The following FLNB variants were observed in gnomAD, a reference collection of about 807,000 sequenced individuals.
The protein encoded by FLNB is filamin-B.
FLNB carries 111 observed loss-of-function variants against 250.6 expected under a neutral mutation model. The observed-to-expected ratio is 0.44, with a 90% CI of 0.38 to 0.52. The LOEUF is 0.52. Ranked by LOEUF, FLNB falls within the 20% of genes least tolerant of loss-of-function variation. The pLI, the probability that FLNB is intolerant of heterozygous loss-of-function variation, is 0.00. For synonymous variants in FLNB, 1,302 were observed against 1,372.1 expected (o/e 0.95, Z 1.13); for missense variants, 2,869 against 3,447.8 (o/e 0.83, Z 4.20).
chr3:58,125,086 A>C (rs1286912597), intron 22 of FLNB, among the ~76,000 whole-genome samples: 2 of 152,046 alleles, frequency 1.3e-5, no homozygotes, highest in Non-Finnish European at 2.9e-5. Flanking sequence ...CTGCAGATAG[A>C]CGGTTTGTAT....
rs776170500 is a variant in FLNB, at chr3:58,135,994, C to T, written c.4687C>T (p.Pro1563Ser). Residue 1563 changes from proline to serine, a missense_variant, in exon 28 of 46, where the codon CCC becomes TCC. Pro to Ser is a moderately conservative substitution (Grantham distance 74, BLOSUM62 -1). Coordinates refer to ENST00000295956, the MANE Select transcript of FLNB (RefSeq NM_001457.4). The part of the protein sequence containing the change: ...AVQITDQEGK[P>S]KRAIVHDNKD... ...TGATCCACAGGACCAAGAAGGAAAA[C>T]CCAAAAGAGCCATTGTCCATGACAA... 1.9e-6 allele frequency: 3 copies of T among 1,614,032 alleles called. No homozygotes were observed. The South Asian group carries it at 3.3e-5, about 18-fold the overall frequency.
chr3:58,032,349 T>TC (rs373439548), intron 1 of FLNB, among the ~76,000 whole-genome samples: 3 of 152,080 alleles, frequency 2.0e-5, no homozygotes, highest in African/African-American at 7.2e-5. Flanking sequence ...AGGATTTCTC[T>TC]CCCCCTACCC....
Position 58,171,238 on chromosome 3 carries a change from A to C in FLNB, c.*476A>C, listed in dbSNP as rs1438924739. Reference sequence around the variant, plus strand: ...CTTAATCTCTTCCAGTGTCCGTGTTAATGTATTTGGCTATTAGATCACTAG... The same window carrying C: ...CTTAATCTCTTCCAGTGTCCGTGTTCATGTATTTGGCTATTAGATCACTAG... On this transcript the variant is annotated 3_prime_UTR_variant, in exon 46 of 46. Coordinates refer to ENST00000295956, the MANE Select transcript of FLNB (RefSeq NM_001457.4). The surrounding 1 kb of genome is among the most constrained non-coding windows in gnomAD (Gnocchi z 5.5). The C allele has an allele frequency of 5.1e-6, 1 of 194,766 alleles. No individual in the cohort carries two copies. The highest frequency in any genetic ancestry group is 1.1e-5 in the Non-Finnish European group (1 of 94,544). 12.1% of individuals were successfully genotyped at this position (194,766 alleles called of 1,614,324 possible).
chr3:58,074,911 G>A (rs1576673772), intron 1 of FLNB, among the ~76,000 whole-genome samples: 1 of 152,010 alleles, frequency 6.6e-6, no homozygotes, highest in Non-Finnish European at 1.5e-5. Context: ...TTAGATGATC[G>A]AGTTTTATTA....
At chr3:58,129,375 G>C (rs970583706) in intron 24 of FLNB, among the ~76,000 whole-genome samples, 1 of 152,186 alleles carries the variant, frequency 6.6e-6, no homozygotes, top group African/African-American at 2.4e-5. Flanking sequence ...TCTTACCCGG[G>C]TTTGTTGGTT....
chr3:58,057,132 T>C (rs1320599039), intron 1 of FLNB, among the ~76,000 whole-genome samples: 2 of 152,226 alleles, frequency 1.3e-5, no homozygotes, highest in Middle Eastern at 3.4e-3. Context: ...CGTGCCACCA[T>C]GCCTGGTTAA....
At chr3:58,056,004 G>A (rs1002196485) in intron 1 of FLNB, among the ~76,000 whole-genome samples, 3 of 151,914 alleles carry the variant, frequency 2.0e-5, no homozygotes, top group African/African-American at 7.2e-5. Context: ...GTGATAAAAC[G>A]ACAGGTGCTG....
chr3:58,142,822 A>C lies in FLNB; in HGVS notation c.5284+70A>C. 7.3e-7 allele frequency: 1 copy of C among 1,367,042 alleles called. No individual in the cohort carries two copies. Among genetic ancestry groups the C allele is most frequent in the Non-Finnish European group, 1.0e-6 (1 of 960,214 alleles). The allele number at this position is 1,367,042 out of a possible 1,614,324, so 84.7% of individuals were successfully genotyped here. On this transcript the variant is annotated intron_variant, in intron 31 of 45. Coordinates refer to ENST00000295956, the MANE Select transcript of FLNB (RefSeq NM_001457.4). This position sits in a 1 kb window ranked among gnomAD's most constrained non-coding sequence, Gnocchi z 4.3. Reference sequence around the variant, plus strand: ...CGAGCTTCCCAGAATGGTGCTGGGGAGGTGTGTCCACTGTCCCCCAGACCC... The same window carrying C: ...CGAGCTTCCCAGAATGGTGCTGGGGCGGTGTGTCCACTGTCCCCCAGACCC...
chr3:58,019,444 T>C (rs190892439), intron 1 of FLNB, among the ~76,000 whole-genome samples: 1 of 152,282 alleles, frequency 6.6e-6, no homozygotes, highest in East Asian at 1.9e-4. Context: ...TTTAATAGTT[T>C]AAATTTTAAG....
At chr3:58,059,060 G>A (rs562933678) in intron 1 of FLNB, among the ~76,000 whole-genome samples, 3 of 152,258 alleles carry the variant, frequency 2.0e-5, no homozygotes, top group Admixed American at 2.0e-4. Flanking sequence ...ATGTACGTTG[G>A]CATGTTAAAG....
At position 58,143,506 on chromosome 3, in the gene FLNB, C is replaced by T. The variant is rs757439107; in HGVS notation, c.5318C>T (p.Thr1773Ile). 1.9e-6 allele frequency: 3 copies of T among 1,614,196 alleles called. No individual in the cohort carries two copies. The South Asian group carries it at 3.3e-5, about 18-fold the overall frequency. ...EVHMPSGKTA[T>I]PEIVDNKDGT... ...CACATGCCTTCTGGGAAGACAGCCA[C>T]ACCTGAGATTGTGGACAACAAGGAC... The change falls in exon 32 of 46, where the codon ACA becomes ATA. Residue 1773 changes from threonine (T) to isoleucine (I), a missense_variant. Around this residue, in one of 5 missense-constraint regions of FLNB, gnomAD observed 1,084 missense variants for 1,315.5 expected, o/e 0.82. Transcript: ENST00000295956.
chr3:58,145,920 G>C lies in FLNB; in HGVS notation c.5426-1G>C. On this transcript the variant is annotated splice_acceptor_variant, in intron 32 of 45. Transcript: ENST00000295956. LOFTEE classifies it high-confidence loss of function. ...TTTGTTTGTGTCCTTCGTAAACCCA[G>C]AGAGCCCACTCCAGTTCTACGTGAA... is the stretch of plus-strand genomic sequence containing the variant. The C allele has an allele frequency of 6.2e-7, 1 of 1,614,160 alleles. No individual in the cohort carries two copies. The highest frequency in any genetic ancestry group is 8.5e-7 in the Non-Finnish European group (1 of 1,180,022).
chr3:58,088,604 A>G (rs899026806), intron 4 of FLNB, among the ~76,000 whole-genome samples: 4 of 152,192 alleles, frequency 2.6e-5, no homozygotes, highest in African/African-American at 9.6e-5. Flanking sequence ...ACTTGGAGCC[A>G]AAGAAAGAAG....
intron 33 of FLNB, 31 bp from the exon 34 acceptor site, chr3:58,146,789 A>G: frequency 6.2e-7 from 1 of 1,613,130 alleles, no homozygotes; most frequent in Non-Finnish European, 8.5e-7. Flanking sequence ...CTCTCTCCCT[A>G]ACACCCCTGC....
chr3:58,052,558 T>C (rs893300445), intron 1 of FLNB, among the ~76,000 whole-genome samples: 3 of 152,292 alleles, frequency 2.0e-5, no homozygotes, highest in East Asian at 1.9e-4. Flanking sequence ...TTCAGTCTTA[T>C]CTGTTTAGAG....
At chr3:58,040,308 AAAC>A (rs1458881288) in intron 1 of FLNB, among the ~76,000 whole-genome samples, 1 of 151,952 alleles carries the variant, frequency 6.6e-6, no homozygotes, top group Non-Finnish European at 1.5e-5. Flanking sequence ...GAGTGTGAGT[AAAC>A]AGTTACCTTC....
intron 18 of FLNB, among the ~76,000 whole-genome samples, chr3:58,114,153 C>G (rs1484511282): frequency 6.6e-6 from 1 of 152,074 alleles, no homozygotes; most frequent in African/African-American, 2.4e-5. Context: ...CTCTGTTCCT[C>G]AAGCTGGAGT....
At chr3:58,043,533 G>A (rs902423847) in intron 1 of FLNB, among the ~76,000 whole-genome samples, 6 of 152,082 alleles carry the variant, frequency 3.9e-5, no homozygotes, top group African/African-American at 1.4e-4. Flanking sequence ...TCCCAGAGCC[G>A]ACTGCCCCCA....
At chr3:58,060,960 G>T (rs1358503120) in intron 1 of FLNB, among the ~76,000 whole-genome samples, 1 of 152,094 alleles carries the variant, frequency 6.6e-6, no homozygotes, top group Non-Finnish European at 1.5e-5. Flanking sequence ...GTCCAGGACG[G>T]GTGTGTCTGG....
Sources: allele counts gnomAD v4.1 joint callset (sites outside exome capture counted in the v4.1 genomes callset), GRCh38; gene constraint gnomAD v4.1.1; regional missense constraint gnomAD v4.1.1; non-coding constraint Gnocchi (gnomAD v3.1); transcripts MANE v1.5; gene names NCBI Gene and HGNC (gene_info 2026-07-23, HGNC 2026-07-21).